The following SLC4A7 variants were observed in gnomAD, a reference collection of about 807,000 sequenced individuals.
The protein encoded by SLC4A7 is solute carrier family 4 member 7, also known as sodium bicarbonate cotransporter 3.
Under a neutral mutation model 137.6 loss-of-function variants are expected in SLC4A7, and 51 were observed. The observed-to-expected ratio is 0.37, with a 90% CI of 0.30 to 0.47. The LOEUF is 0.47. Ranked by LOEUF, SLC4A7 falls within the 20% of genes least tolerant of loss-of-function variation. The pLI is 1.00. For missense variants in SLC4A7, 1,247 were observed against 1,525.4 expected (o/e 0.82, Z 3.04); for synonymous variants, 542 against 518.6 (o/e 1.05, Z -0.61).
chr3:27,409,245 T>A (rs1476282845), intron 13 of SLC4A7, 111 bp downstream of exon 13: 1 of 806,660 alleles, frequency 1.2e-6, no homozygotes, highest in East Asian at 2.7e-5. Context: ...GTCACGTTAA[T>A]CATGCTGTGG....
chr3:27,448,595 T>C (rs1202745142), intron 3 of SLC4A7, 56 bp downstream of exon 3: 3 of 1,452,572 alleles, frequency 2.1e-6, no homozygotes, highest in Non-Finnish European at 2.8e-6. Flanking sequence ...TAAAAGAAAA[T>C]ACTTTCCAGG....
intron 18 of SLC4A7, among the ~76,000 whole-genome samples, chr3:27,396,458 A>T (rs1480277561): frequency 6.6e-6 from 1 of 152,144 alleles, no homozygotes; most frequent in Non-Finnish European, 1.5e-5. Context: ...ATATTAATTC[A>T]TAGTTTCATT....
chr3:27,399,049 A>C (rs906352899), intron 16 of SLC4A7, among the ~76,000 whole-genome samples: 4 of 151,866 alleles, frequency 2.6e-5, no homozygotes, highest in Non-Finnish European at 4.4e-5. Context: ...GATTAATAGA[A>C]GCACATGCCA....
At chr3:27,406,056 G>T (rs1052206777) in intron 13 of SLC4A7, among the ~76,000 whole-genome samples, 1 of 152,176 alleles carries the variant, frequency 6.6e-6, no homozygotes, top group Non-Finnish European at 1.5e-5. Flanking sequence ...ATTGGTAAAG[G>T]GAAGGAGAAA....
chr3:27,378,177 A>G (rs1339738588), intron 25 of SLC4A7, among the ~76,000 whole-genome samples: 1 of 152,230 alleles, frequency 6.6e-6, no homozygotes, highest in Non-Finnish European at 1.5e-5. Context: ...GAGAAATTAG[A>G]ACTCAGATGA....
chr3:27,423,320 GT>G (rs1472742342), intron 8 of SLC4A7, among the ~76,000 whole-genome samples: 1 of 151,998 alleles, frequency 6.6e-6, no homozygotes, highest in Non-Finnish European at 1.5e-5. Flanking sequence ...TGAGCATCTG[GT>G]ATTTTACTAT....
intron 1 of SLC4A7, among the ~76,000 whole-genome samples, chr3:27,459,902 A>C (rs1360315443): frequency 6.6e-6 from 1 of 151,646 alleles, no homozygotes; most frequent in East Asian, 1.9e-4. Flanking sequence ...TTCCACAAAA[A>C]GAAAAGAATT....
intron 21 of SLC4A7, 56 bp from the exon 22 acceptor site, chr3:27,390,160 G>C: frequency 1.9e-6 from 2 of 1,054,554 alleles, no homozygotes; most frequent in Non-Finnish European, 2.8e-6. Flanking sequence ...TGCTATTTAG[G>C]AGAAGAATCT....
At chr3:27,400,931 A>C (rs2052684361) in intron 15 of SLC4A7, 62 bp from the exon 16 acceptor site, 1 of 919,648 alleles carries the variant, frequency 1.1e-6, no homozygotes, top group South Asian at 1.4e-5. Flanking sequence ...CATTTTACTA[A>C]ATCAATTATA....
chr3:27,441,660 T>C (rs920638938), intron 3 of SLC4A7, among the ~76,000 whole-genome samples: 2 of 151,962 alleles, frequency 1.3e-5, no homozygotes, highest in Admixed American at 1.3e-4. Context: ...AGGTAATTTT[T>C]TATTTTTTGT....
At chr3:27,398,083 G>C (rs996228009) in intron 17 of SLC4A7, 109 bp downstream of exon 17, 64 of 743,088 alleles carry the variant, frequency 8.6e-5, no homozygotes, top group Non-Finnish European at 1.1e-4. Context: ...TTAACCAGTT[G>C]GCATGGAGTA....
intron 1 of SLC4A7, among the ~76,000 whole-genome samples, chr3:27,472,966 G>C (rs2059311373): frequency 6.6e-6 from 1 of 152,038 alleles, no homozygotes; most frequent in African/African-American, 2.4e-5. Context: ...AGTAATCCCA[G>C]CTACTCGGGA....
At chr3:27,425,448 G>A (rs537450047) in intron 7 of SLC4A7, among the ~76,000 whole-genome samples, 5 of 150,166 alleles carry the variant, frequency 3.3e-5, no homozygotes, top group Non-Finnish European at 7.4e-5. Context: ...AGGTCAAGGC[G>A]GACGGATCAC....
intron 21 of SLC4A7, 162 bp from the exon 22 acceptor site, chr3:27,390,266 A>G (rs753732087): frequency 3.3e-5 from 9 of 276,144 alleles, no homozygotes; most frequent in Non-Finnish European, 6.5e-5. Context: ...TCTGGATCCA[A>G]AGTGGGGTCG....
chr3:27,389,246 G>A (rs913146112), intron 22 of SLC4A7, among the ~76,000 whole-genome samples: 2 of 151,782 alleles, frequency 1.3e-5, no homozygotes, highest in Admixed American at 6.6e-5. Flanking sequence ...ACCTCTAGAT[G>A]GTTTTTTAAC....
At chr3:27,459,512 C>T (rs1419076140) in intron 1 of SLC4A7, among the ~76,000 whole-genome samples, 1 of 152,096 alleles carries the variant, frequency 6.6e-6, no homozygotes, top group East Asian at 1.9e-4. Flanking sequence ...TATTTAATAG[C>T]AGGCACACAC....
chr3:27,427,317 CTTT>C (rs11349026), intron 7 of SLC4A7, among the ~76,000 whole-genome samples: 3 of 147,428 alleles, frequency 2.0e-5, no homozygotes, highest in African/African-American at 2.5e-5. Flanking sequence ...AAATTCACTT[CTTT>C]TTTTTTTTTT....
chr3:27,386,111 A>T (rs1031952605), intron 22 of SLC4A7, 88 bp from the exon 23 acceptor site: 1 of 614,184 alleles, frequency 1.6e-6, no homozygotes. Flanking sequence ...TAAATCTTAT[A>T]AAAAATGCTT....
In SLC4A7 at chr3:27,415,347, G is replaced by C. The variant is rs182865775; in HGVS notation, c.1659+3139C>G. The stretch of plus-strand genomic sequence containing the variant: ...GGCCTTCTCATATAACAAAAAGACT[G>C]GAAGCTGGCATTTATCTTTTCCCTT... On this transcript the variant is annotated intron_variant, in intron 11 of 25. Transcript: ENST00000454389. 4.8e-3 allele frequency among the ~76,000 whole-genome samples: 738 copies of C among 152,306 alleles called. 4 individuals carry two copies. Among genetic ancestry groups the C allele is most frequent in the Non-Finnish European group, 7.3e-3 (499 of 68,026 alleles).
Sources: allele counts gnomAD v4.1 joint callset (sites outside exome capture counted in the v4.1 genomes callset), GRCh38; gene constraint gnomAD v4.1.1; transcripts MANE v1.5; gene names NCBI Gene and HGNC (gene_info 2026-07-23, HGNC 2026-07-21).